Variants in XKR4 observed in about 807,000 individuals in gnomAD.
The protein encoded by XKR4 is XK related 4.
XKR4 carries 12 observed loss-of-function variants against 53.9 expected under a neutral mutation model. The observed-to-expected ratio is 0.22, with a 90% confidence interval of 0.14 to 0.36. XKR4 has a LOEUF of 0.36. Ranked by LOEUF, XKR4 falls within the 10% of genes least tolerant of loss-of-function variation. The pLI, the probability that XKR4 is intolerant of heterozygous loss-of-function variation, is 1.00. For synonymous variants in XKR4, 354 were observed against 362.4 expected, an observed-to-expected ratio of 0.98 and a Z score of 0.26; for missense variants, 799 against 859.5, an observed-to-expected ratio of 0.93 and a Z score of 0.88.
chr8:55,128,925 A>G (rs1816515154), intron 1 of XKR4, among the ~76,000 whole-genome samples: 1 of 152,198 alleles, frequency 6.6e-6, no homozygotes, highest in African/African-American at 2.4e-5. Flanking sequence ...GGAATTTGGG[A>G]GAGATGGATA....
intron 2 of XKR4, among the ~76,000 whole-genome samples, chr8:55,390,868 C>T (rs945876429): frequency 6.6e-6 from 1 of 152,144 alleles, no homozygotes; most frequent in Non-Finnish European, 1.5e-5. Context: ...AAAAAAGAGA[C>T]TTCAAAGCCA....
intron 2 of XKR4, chr8:55,450,456 G>T: frequency 1.7e-6 from 1 of 585,554 alleles, no homozygotes; most frequent in Non-Finnish European, 3.2e-6. Context: ...CTGCAAGGCA[G>T]CTGGCTCCTG....
chr8:55,310,234 G>A (rs541186641), intron 1 of XKR4, among the ~76,000 whole-genome samples: 174 of 152,220 alleles, frequency 1.1e-3, no homozygotes, highest in Admixed American at 2.3e-3. Flanking sequence ...GCACAACTGC[G>A]TCAATATTTT....
intron 1 of XKR4, among the ~76,000 whole-genome samples, chr8:55,163,341 G>A (rs1198578154): frequency 6.6e-6 from 1 of 152,320 alleles, no homozygotes; most frequent in African/African-American, 2.4e-5. Context: ...CAGGAAGAGA[G>A]GATGAGGCCC....
intron 1 of XKR4, among the ~76,000 whole-genome samples, chr8:55,352,711 T>C (rs776726551): frequency 6.6e-6 from 1 of 152,206 alleles, no homozygotes; most frequent in Admixed American, 6.5e-5. Context: ...GTACTGTGAT[T>C]TTCCCCCTTT....
chr8:55,372,436 C>A (rs1165634409), intron 2 of XKR4, among the ~76,000 whole-genome samples: 1 of 152,086 alleles, frequency 6.6e-6, no homozygotes, highest in Non-Finnish European at 1.5e-5. Context: ...CTAAAAATAA[C>A]CATGTGAATG....
chr8:55,392,606 T>A (rs2063030), intron 2 of XKR4, among the ~76,000 whole-genome samples: 1 of 151,922 alleles, frequency 6.6e-6, no homozygotes, highest in Non-Finnish European at 1.5e-5. Flanking sequence ...GCCTGGACAA[T>A]ATAGCCAAAC....
intron 2 of XKR4, among the ~76,000 whole-genome samples, chr8:55,409,265 G>C (rs1045199146): frequency 6.6e-6 from 1 of 152,242 alleles, no homozygotes; most frequent in Non-Finnish European, 1.5e-5. Flanking sequence ...CTACACTAGA[G>C]TTTCTTAAAT....
intron 1 of XKR4, among the ~76,000 whole-genome samples, chr8:55,354,126 G>A (rs1803765297): frequency 6.6e-6 from 1 of 152,176 alleles, no homozygotes; most frequent in African/African-American, 2.4e-5. Flanking sequence ...GTGACAACAT[G>A]TAAGAGCCAA....
At chr8:55,252,739 T>C (rs1372750058) in intron 1 of XKR4, among the ~76,000 whole-genome samples, 1 of 152,138 alleles carries the variant, frequency 6.6e-6, no homozygotes, top group Non-Finnish European at 1.5e-5. Flanking sequence ...TGCTTTCTGA[T>C]GTGTCAGTCC....
intron 2 of XKR4, among the ~76,000 whole-genome samples, chr8:55,448,780 A>G (rs1805380534): frequency 6.6e-6 from 1 of 152,244 alleles, no homozygotes; most frequent in Non-Finnish European, 1.5e-5. Flanking sequence ...GGATGAAGCT[A>G]GAAACCACAT....
intron 2 of XKR4, among the ~76,000 whole-genome samples, chr8:55,496,326 T>G (rs748808379): frequency 1.3e-5 from 2 of 152,174 alleles, no homozygotes; most frequent in Non-Finnish European, 2.9e-5. Context: ...GGTCTGATAA[T>G]GCAAATATCT....
chr8:55,522,203 C>G (rs1354699996), intron 2 of XKR4, among the ~76,000 whole-genome samples: 2 of 152,156 alleles, frequency 1.3e-5, no homozygotes, highest in Non-Finnish European at 2.9e-5. Context: ...GAAAACAATA[C>G]AAATGACTTT....
At chr8:55,247,223 T>G (rs757004900) in intron 1 of XKR4, among the ~76,000 whole-genome samples, 10 of 152,174 alleles carry the variant, frequency 6.6e-5, no homozygotes, top group Non-Finnish European at 1.3e-4. Flanking sequence ...CAGTGGTAAG[T>G]GTGGGCAGGA....
At chr8:55,168,710 C>T (rs1001649654) in intron 1 of XKR4, among the ~76,000 whole-genome samples, 1 of 152,162 alleles carries the variant, frequency 6.6e-6, no homozygotes, top group African/African-American at 2.4e-5. Context: ...TCAGCTCATC[C>T]TTATACTTTT....
intron 1 of XKR4, among the ~76,000 whole-genome samples, chr8:55,203,636 C>T (rs1817605100): frequency 6.6e-6 from 1 of 152,104 alleles, no homozygotes; most frequent in Non-Finnish European, 1.5e-5. Flanking sequence ...GTTAGAACCA[C>T]CTGGGGAACC....
At chr8:55,520,771 G>C (rs1806786298) in intron 2 of XKR4, among the ~76,000 whole-genome samples, 1 of 152,160 alleles carries the variant, frequency 6.6e-6, no homozygotes, top group Admixed American at 6.5e-5. Context: ...ATCTTAACAA[G>C]TTCCTGGAGT....
intron 1 of XKR4, among the ~76,000 whole-genome samples, chr8:55,167,482 G>A (rs1423526119): frequency 6.6e-6 from 1 of 152,122 alleles, no homozygotes; most frequent in East Asian, 1.9e-4. Context: ...AGGCAGAACC[G>A]TAGGACGAAA....
intron 2 of XKR4, among the ~76,000 whole-genome samples, chr8:55,467,058 G>A (rs1483274524): frequency 6.6e-6 from 1 of 152,116 alleles, no homozygotes; most frequent in Non-Finnish European, 1.5e-5. Flanking sequence ...CTGCATTCAA[G>A]GTGTCAGCCA....
Sources: gnomAD v4.1 joint callset for allele counts (sites outside exome capture counted in the v4.1 genomes callset) on GRCh38, gnomAD v4.1.1 for gene constraint, MANE v1.5 for transcripts, NCBI Gene and HGNC (gene_info 2026-07-23, HGNC 2026-07-21) for gene names.